UBASH3B: variants seen among roughly 807,000 people sequenced by gnomAD.
The protein encoded by UBASH3B is ubiquitin-associated and SH3 domain-containing protein B.
A neutral mutation model predicts 83.4 loss-of-function variants in UBASH3B; 37 were observed. The observed-to-expected ratio is 0.44, with a 90% CI of 0.34 to 0.58. UBASH3B has a LOEUF of 0.58. Among genes scored for constraint, UBASH3B ranks in the 20% least tolerant of loss-of-function variants. The probability of loss-of-function intolerance (pLI) is 0.01; values close to 1 mark genes in which losing one functional copy is unlikely to be tolerated. For synonymous variants in UBASH3B, 304 were observed against 318.3 expected (o/e 0.96, Z 0.48); for missense variants, 657 against 827.2 (o/e 0.79, Z 2.52).
intron 1 of UBASH3B, among the ~76,000 whole-genome samples, chr11:122,699,621 C>T (rs6589942): frequency 0.82 from 121,673 of 149,238 alleles, 50,396 homozygotes; most frequent in East Asian, 0.95. Context: ...TCTCCCTCTG[C>T]CACCAGGCTG....
In UBASH3B at chr11:122,677,483, C is replaced by T. The variant is rs527637538; in HGVS notation, c.161+21273C>T. 6.6e-5 allele frequency among the ~76,000 whole-genome samples: 10 copies of T among 152,208 alleles called. No homozygotes were observed. The East Asian group carries it at 7.7e-4, about 12-fold the overall frequency. On this transcript the variant is annotated intron_variant, in intron 1 of 13. Coordinates refer to ENST00000284273, the MANE Select transcript of UBASH3B (RefSeq NM_032873.5). ...CTGGAACATTGTACGTACCTGATGC[C>T]GTGCCTCTGGTGGAGCACTTACCAT...
rs1345081128 is a variant in UBASH3B, at chr11:122,728,989, G to A, written c.162-47230G>A. Among the ~76,000 whole-genome samples the A allele has an allele frequency of 1.1e-4, 16 of 141,550 alleles. No homozygotes were observed. In the East Asian group the frequency reaches 1.8e-3, roughly 16 times the overall value. The allele number at this position is 141,550 out of a possible 152,430, so 92.9% of individuals were successfully genotyped here. A position where few individuals can be genotyped will look rare whatever the true frequency, so the allele number is the denominator to read the frequency against. The stretch of plus-strand genomic sequence containing the variant: ...GGGGACAGAGAGTGCTCAGCCTGCC[G>A]TCCCTGCTTTCGGCTCTATCACCCC... On this transcript the variant is annotated intron_variant, in intron 1 of 13. Transcript: ENST00000284273.
intron 1 of UBASH3B, among the ~76,000 whole-genome samples, chr11:122,702,388 C>A (rs1864051793): frequency 6.6e-6 from 1 of 152,076 alleles, no homozygotes; most frequent in South Asian, 2.1e-4. Flanking sequence ...TAGGACCCTA[C>A]CCCTACCAAG....
In UBASH3B at chr11:122,734,806, AAAAAAG is replaced by A. The variant is rs980233546; in HGVS notation, c.162-41395_162-41390del. Among the ~76,000 whole-genome samples, 5 of 151,828 alleles carry A rather than the reference AAAAAAG, an allele frequency of 3.3e-5. No homozygotes were observed. In the East Asian group the frequency reaches 7.7e-4, roughly 24 times the overall value. ...ACTTTTTAAGCTGTATCTTAAAAAAAAAAAAGAAAAAGAAAAAGAAAAAACCCTTAG... is the reference window on the plus strand; with the variant it reads ...ACTTTTTAAGCTGTATCTTAAAAAAAAAAAAGAAAAAGAAAAAACCCTTAG... On this transcript the variant is annotated intron_variant, in intron 1 of 13. Coordinates refer to ENST00000284273, the MANE Select transcript of UBASH3B (RefSeq NM_032873.5).
chr11:122,708,300 T>TG (rs1864150585), intron 1 of UBASH3B, among the ~76,000 whole-genome samples: 2 of 150,576 alleles, frequency 1.3e-5, no homozygotes, highest in South Asian at 4.2e-4. Flanking sequence ...GCTTTTTTTT[T>TG]TTTTTTTTGA....
intron 1 of UBASH3B, among the ~76,000 whole-genome samples, chr11:122,739,272 A>G (rs951885536): frequency 6.6e-6 from 1 of 152,204 alleles, no homozygotes; most frequent in Admixed American, 6.5e-5. Context: ...AGAGAGAAGT[A>G]TGGATTATAG....
intron 1 of UBASH3B, among the ~76,000 whole-genome samples, chr11:122,713,186 C>T (rs113148010): frequency 0.13 from 19,341 of 152,060 alleles, 1,380 homozygotes; most frequent in African/African-American, 0.18. Flanking sequence ...GGATTACAGG[C>T]GTGAGCCACT....
intron 3 of UBASH3B, among the ~76,000 whole-genome samples, chr11:122,778,495 ATAG>A (rs1773135428): frequency 1.3e-5 from 2 of 151,874 alleles, no homozygotes. Flanking sequence ...ATGATACAAA[ATAG>A]TAGAAAACAC....
At chr11:122,695,879 A>G (rs949054832) in intron 1 of UBASH3B, among the ~76,000 whole-genome samples, 1 of 152,372 alleles carries the variant, frequency 6.6e-6, no homozygotes. Context: ...AACTGTTGGG[A>G]AGTTACTAAA....
intron 1 of UBASH3B, among the ~76,000 whole-genome samples, chr11:122,714,678 G>A (rs1358111149): frequency 6.6e-6 from 1 of 152,166 alleles, no homozygotes. Context: ...AGATACTGAT[G>A]GTGAGAATTA....
intron 1 of UBASH3B, among the ~76,000 whole-genome samples, chr11:122,685,991 G>A (rs914470391): frequency 2.0e-5 from 3 of 152,164 alleles, no homozygotes; most frequent in East Asian, 1.9e-4. Context: ...AAGCCCACAC[G>A]CCAGGGAGGA....
At position 122,800,383 on chromosome 11, in the gene UBASH3B, C is replaced by CG. The variant is rs869301571; in HGVS notation, c.1451-805_1451-804insG. ...TGAAACCCCATCTCTACTAAAAATA[C>CG]AAAAAAAAAAAAAAAAAAACAAGAG... On this transcript the variant is annotated intron_variant, in intron 10 of 13. Coordinates refer to ENST00000284273, the MANE Select transcript of UBASH3B (RefSeq NM_032873.5). Among the ~76,000 whole-genome samples the CG allele has an allele frequency of 3.9e-5, 3 of 76,670 alleles. 1 individual carries two copies. Among genetic ancestry groups the CG allele is most frequent in the African/African-American group, 1.3e-4 (3 of 22,814 alleles). The allele number at this position is 76,670 out of a possible 152,430, so 50.3% of individuals were successfully genotyped here.
In UBASH3B at chr11:122,656,040, C is replaced by T. The variant is rs758102795; in HGVS notation, c.-10C>T. 1.9e-6 allele frequency: 3 copies of T among 1,567,634 alleles called. No individual in the cohort carries two copies. Among genetic ancestry groups the T allele is most frequent in the Non-Finnish European group, 2.6e-6 (3 of 1,157,986 alleles). On this transcript the variant is annotated 5_prime_UTR_variant, in exon 1 of 14. Transcript: ENST00000284273. Reference sequence around the variant, plus strand: ...GGGCTCCTTCCCTGGCGATGGCTGGCCGCTGAGCCATGGCTCAGTACGGCC... The same window carrying T: ...GGGCTCCTTCCCTGGCGATGGCTGGTCGCTGAGCCATGGCTCAGTACGGCC...
intron 1 of UBASH3B, among the ~76,000 whole-genome samples, chr11:122,747,983 A>G (rs962364849): frequency 6.6e-6 from 1 of 152,236 alleles, no homozygotes; most frequent in Admixed American, 6.5e-5. Context: ...TACATACACC[A>G]CGTTACACAT....
intron 1 of UBASH3B, 47 bp downstream of exon 1, chr11:122,656,257 G>A (rs746066874): frequency 3.5e-5 from 47 of 1,351,904 alleles, no homozygotes; most frequent in Non-Finnish European, 4.3e-5. Flanking sequence ...CCGCGCGCGC[G>A]GCCGGCCCTC....
chr11:122,726,178 T>A (rs1362012558), intron 1 of UBASH3B: 1 of 152,260 alleles, frequency 6.6e-6, no homozygotes, highest in African/African-American at 2.4e-5. Flanking sequence ...TTCTTGGGTA[T>A]CCTTCTAGCA....
At chr11:122,717,543 C>T (rs1860545513) in intron 1 of UBASH3B, among the ~76,000 whole-genome samples, 1 of 152,236 alleles carries the variant, frequency 6.6e-6, no homozygotes, top group South Asian at 2.1e-4. Flanking sequence ...GCACTGCACA[C>T]AGCACGGATG....
At chr11:122,767,202 C>G (rs542187202) in intron 1 of UBASH3B, among the ~76,000 whole-genome samples, 2 of 151,488 alleles carry the variant, frequency 1.3e-5, no homozygotes. Flanking sequence ...TGCTTGAACC[C>G]GGGAAGCGGA....
rs1162080729 is a variant in UBASH3B at position 122,764,933 on chromosome 11, C to A, written c.162-11286C>A. Among the ~76,000 whole-genome samples the A allele has an allele frequency of 4.0e-5, 6 of 151,778 alleles. No individual in the cohort carries two copies. The East Asian group carries it at 1.2e-3, about 29-fold the overall frequency. On this transcript the variant is annotated intron_variant, in intron 1 of 13. Transcript: ENST00000284273. ...GATTTTAGTGTGGGGTGGAACTGAA[C>A]CTTTGCCAAAGAAAAAAGGTAGAAT...
Sources: allele counts gnomAD v4.1 joint callset (sites outside exome capture counted in the v4.1 genomes callset), GRCh38; gene constraint gnomAD v4.1.1; transcripts MANE v1.5; gene names NCBI Gene and HGNC (gene_info 2026-07-23, HGNC 2026-07-21).